HMCN1: variants seen among roughly 807,000 people sequenced by gnomAD.
HMCN1 encodes the protein hemicentin-1.
HMCN1 carries 321 observed loss-of-function variants against 625.9 expected under a neutral mutation model. That is an observed-to-expected ratio of 0.51 (90% confidence interval 0.47 to 0.56). The LOEUF (loss-of-function observed/expected upper bound fraction) is 0.56, where lower values mean the gene tolerates loss of function less well. Among genes scored for constraint, HMCN1 ranks in the 20% least tolerant of loss-of-function variants. The pLI, the probability that HMCN1 is intolerant of heterozygous loss-of-function variation, is 0.00. For missense variants in HMCN1, 6,588 were observed against 6,887.3 expected (o/e 0.96, Z 1.54); for synonymous variants, 2,425 against 2,417.6 (o/e 1.00, Z -0.09).
chr1:185,823,581 A>G (rs971370433), intron 1 of HMCN1, among the ~76,000 whole-genome samples: 1 of 152,170 alleles, frequency 6.6e-6, no homozygotes, highest in African/African-American at 2.4e-5. Flanking sequence ...CCAGTCGGTC[A>G]TGAGCTTCCC....
intron 1 of HMCN1, among the ~76,000 whole-genome samples, chr1:185,830,349 C>T (rs1196901569): frequency 6.6e-6 from 1 of 152,068 alleles, no homozygotes; most frequent in Non-Finnish European, 1.5e-5. Context: ...ATGGTTTTGC[C>T]TAGGTTTTCT....
intron 1 of HMCN1, among the ~76,000 whole-genome samples, chr1:185,763,295 A>G (rs1399094237): frequency 6.6e-6 from 1 of 152,130 alleles, no homozygotes; most frequent in Non-Finnish European, 1.5e-5. Context: ...AACAAGGGAA[A>G]ATTCCAAGGG....
intron 25 of HMCN1, among the ~76,000 whole-genome samples, chr1:185,998,548 A>G (rs1652961583): frequency 6.6e-6 from 1 of 152,108 alleles, no homozygotes; most frequent in Admixed American, 6.6e-5. Flanking sequence ...TCAGGGAAGT[A>G]CCATGAGTGT....
intron 36 of HMCN1, among the ~76,000 whole-genome samples, chr1:186,037,234 A>G (rs978658896): frequency 7.2e-5 from 11 of 152,012 alleles, no homozygotes; most frequent in African/African-American, 2.7e-4. Flanking sequence ...TTCACTTGTA[A>G]TTTTTTAATC....
At chr1:186,051,229 G>T (rs976981896) in intron 42 of HMCN1, among the ~76,000 whole-genome samples, 3 of 152,094 alleles carry the variant, frequency 2.0e-5, no homozygotes, top group African/African-American at 7.2e-5. Flanking sequence ...AGAAGGACCG[G>T]ATGCTCAGGT....
At chr1:186,158,011 G>T (rs1189577765) in intron 97 of HMCN1, among the ~76,000 whole-genome samples, 4 of 150,792 alleles carry the variant, frequency 2.7e-5, no homozygotes, top group Admixed American at 6.6e-5. Flanking sequence ...CTGAGGAATC[G>T]CCACACTGAC....
chr1:186,168,837 A>T (rs941092188), intron 100 of HMCN1, among the ~76,000 whole-genome samples: 1 of 152,076 alleles, frequency 6.6e-6, no homozygotes, highest in African/African-American at 2.4e-5. Context: ...GTAGCAATAC[A>T]CGTGCCACGG....
In HMCN1 at chr1:186,091,266, T is replaced by C. The variant is rs544127195; in HGVS notation, c.9887+349T>C. ...CCCATGCCATAAAAATAATTAGTTCTTTCCTGCAAATGCCAAACCAACTTT... is the reference window on the plus strand; with the variant it reads ...CCCATGCCATAAAAATAATTAGTTCCTTCCTGCAAATGCCAAACCAACTTT... On this transcript the variant is annotated intron_variant, in intron 64 of 106. Coordinates refer to ENST00000271588, the MANE Select transcript of HMCN1 (RefSeq NM_031935.3). Among the ~76,000 whole-genome samples the C allele has an allele frequency of 6.6e-5, 10 of 152,156 alleles. No homozygotes were observed. In the South Asian group the frequency reaches 2.1e-3, roughly 32 times the overall value.
At chr1:186,013,408 C>T (rs1311215011) in intron 30 of HMCN1, among the ~76,000 whole-genome samples, 2 of 152,138 alleles carry the variant, frequency 1.3e-5, no homozygotes, top group Non-Finnish European at 2.9e-5. Flanking sequence ...ATGATTCTAT[C>T]GTCGAATTCA....
In HMCN1 at chr1:186,065,584, A is replaced by T. The variant is rs145388940; in HGVS notation, c.7705+155A>T. ...TACATTTACTATTTTTCCTGAATTA[A>T]TTTATAAATTAATTTATGACATATG... On this transcript the variant is annotated intron_variant, in intron 49 of 106. Transcript: ENST00000271588. Among the ~76,000 whole-genome samples the T allele has an allele frequency of 2.0e-5, 3 of 152,326 alleles. No individual in the cohort carries two copies. The East Asian group carries it at 5.8e-4, about 29-fold the overall frequency.
intron 1 of HMCN1, among the ~76,000 whole-genome samples, chr1:185,777,688 G>T (rs1054693763): frequency 1.3e-5 from 2 of 152,154 alleles, no homozygotes; most frequent in Admixed American, 6.5e-5. Flanking sequence ...TCGACCTGGT[G>T]ATCCGCCCGC....
intron 1 of HMCN1, among the ~76,000 whole-genome samples, chr1:185,787,646 A>T (rs1164781000): frequency 4.1e-5 from 6 of 147,670 alleles, no homozygotes; most frequent in Non-Finnish European, 8.8e-5. Context: ...TTATGACTGA[A>T]ATCTTGAGTT....
intron 103 of HMCN1, among the ~76,000 whole-genome samples, chr1:186,175,854 C>T (rs896342690): frequency 2.0e-5 from 1 of 51,258 alleles, no homozygotes; most frequent in Non-Finnish European, 3.8e-5. Flanking sequence ...CCAGCCTGGA[C>T]AATAAGAGTG....
At chr1:186,061,160 A>G (rs1264462966) in intron 46 of HMCN1, among the ~76,000 whole-genome samples, 1 of 152,012 alleles carries the variant, frequency 6.6e-6, no homozygotes, top group Non-Finnish European at 1.5e-5. Flanking sequence ...CTGTTCTCAC[A>G]CTACTGTAAA....
At chr1:186,178,896 C>T in intron 104 of HMCN1, 130 bp downstream of exon 104, 1 of 746,220 alleles carries the variant, frequency 1.3e-6, no homozygotes, top group Admixed American at 2.0e-5. Context: ...CTCAAAATTT[C>T]AAGACATTTA....
At chr1:185,818,342 C>T (rs893059889) in intron 1 of HMCN1, among the ~76,000 whole-genome samples, 1 of 152,066 alleles carries the variant, frequency 6.6e-6, no homozygotes, top group Non-Finnish European at 1.5e-5. Context: ...TTGTTTCCTT[C>T]ACCTATCAAT....
chr1:185,987,715 T>C (rs1187233591), intron 20 of HMCN1, among the ~76,000 whole-genome samples, 171 bp downstream of exon 20: 2 of 152,028 alleles, frequency 1.3e-5, no homozygotes, highest in Admixed American at 6.5e-5. Context: ...CAAGAAACCA[T>C]ATAGATGCAC....
rs781512437 is a variant in HMCN1 at position 186,078,172 on chromosome 1, G to T, written c.8551G>T (p.Val2851Leu). Residue 2851 changes from valine (V) to leucine (L), a missense_variant, in exon 55 of 107, where the codon GTG becomes TTG. Coordinates refer to ENST00000271588, the MANE Select transcript of HMCN1 (RefSeq NM_031935.3). ...TGCTGGGAGATACACATGTGTGGCT[G>T]TGAATGAGGCTGGAGAAGATTCCCT... is the stretch of plus-strand genomic sequence containing the variant. Reference protein sequence around the residue: ...EDAGRYTCVAVNEAGEDSLQY... With the variant: ...EDAGRYTCVALNEAGEDSLQY... The T allele has an allele frequency of 2.1e-5, 34 of 1,613,688 alleles. No homozygotes were observed. In the Admixed American group the frequency reaches 3.0e-4, roughly 14 times the overall value.
chr1:186,003,674 T>C, intron 28 of HMCN1, 44 bp from the exon 29 acceptor site: 2 of 1,608,030 alleles, frequency 1.2e-6, no homozygotes, highest in Non-Finnish European at 1.7e-6. Flanking sequence ...GCCTGCTCTT[T>C]TTGCTGAGTA....
Sources: gnomAD v4.1 joint callset for allele counts (sites outside exome capture counted in the v4.1 genomes callset) on GRCh38, gnomAD v4.1.1 for gene constraint, MANE v1.5 for transcripts, NCBI Gene and HGNC (gene_info 2026-07-23, HGNC 2026-07-21) for gene names.